Variants in CSMD1 observed in about 807,000 individuals in gnomAD.
The protein encoded by CSMD1 is CUB and sushi domain-containing protein 1.
In CSMD1, 213 loss-of-function variants were observed where a neutral mutation model predicts 417.5. The observed-to-expected ratio is 0.51, with a 90% CI of 0.46 to 0.57. The LOEUF (loss-of-function observed/expected upper bound fraction) is 0.57. Ranked by LOEUF, CSMD1 falls within the 20% of genes least tolerant of loss-of-function variation. The probability of loss-of-function intolerance (pLI) is 0.00; values close to 1 mark genes in which losing one functional copy is unlikely to be tolerated. For synonymous variants in CSMD1, 2,862 were observed against 1,736.8 expected (o/e 1.65, Z -16.11); for missense variants, 6,923 against 4,529.7 (o/e 1.53, Z -15.17).
chr8:3,743,182 A>T, intron 6 of CSMD1, among the ~76,000 whole-genome samples: 1 of 152,194 alleles, frequency 6.6e-6, no homozygotes, highest in Admixed American at 6.5e-5. Context: ...ACTGTGCTAC[A>T]CGACTCTTTT....
chr8:4,463,152 A>C (rs912830560), intron 2 of CSMD1, among the ~76,000 whole-genome samples: 1 of 152,224 alleles, frequency 6.6e-6, no homozygotes, highest in South Asian at 2.1e-4. Context: ...TGCCCCAAAG[A>C]AGATACACAA....
intron 5 of CSMD1, among the ~76,000 whole-genome samples, chr8:3,890,015 C>A (rs558223708): frequency 1.3e-5 from 2 of 151,970 alleles, no homozygotes; most frequent in African/African-American, 4.8e-5. Flanking sequence ...GATCCCTTCT[C>A]AAAAAATATA....
intron 2 of CSMD1, among the ~76,000 whole-genome samples, chr8:4,506,897 A>C (rs145584170): frequency 1.2e-4 from 18 of 152,324 alleles, no homozygotes; most frequent in African/African-American, 4.1e-4. Flanking sequence ...GGGAGCATTT[A>C]ATTTCTGTAT....
At position 4,322,315 on chromosome 8, in the gene CSMD1, G is replaced by C. The variant is rs557477364; in HGVS notation, c.415+97638C>G. 3.4e-5 allele frequency among the ~76,000 whole-genome samples: 5 copies of C among 147,184 alleles called. No individual in the cohort carries two copies. In the East Asian group the frequency reaches 1.1e-3, roughly 31 times the overall value. ...ATTTCATGTTATCTGCATATTTGAA[G>C]AGAGTACTTTTTTTTGCAACAATCT... On this transcript the variant is annotated intron_variant, in intron 3 of 69. Coordinates refer to ENST00000635120, the MANE Select transcript of CSMD1 (RefSeq NM_033225.6).
intron 7 of CSMD1, among the ~76,000 whole-genome samples, chr8:3,692,764 G>A (rs1013717905): frequency 2.0e-5 from 3 of 152,050 alleles, no homozygotes; most frequent in Admixed American, 6.6e-5. Context: ...CTTTTCTGAG[G>A]CCCATGTGCC....
intron 9 of CSMD1, 23 bp downstream of exon 9, chr8:3,586,113 T>A: frequency 6.2e-7 from 1 of 1,604,370 alleles, no homozygotes; most frequent in Non-Finnish European, 8.5e-7. Flanking sequence ...TAATCCAGGC[T>A]TTACCCACCG....
intron 26 of CSMD1, among the ~76,000 whole-genome samples, chr8:3,233,894 T>A (rs2116926803): frequency 6.6e-6 from 1 of 152,230 alleles, no homozygotes; most frequent in Non-Finnish European, 1.5e-5. Context: ...CTTGAGGCAT[T>A]TTGGATCCCA....
intron 13 of CSMD1, among the ~76,000 whole-genome samples, chr8:3,408,716 A>C (rs1472749401): frequency 7.9e-5 from 12 of 152,120 alleles, no homozygotes; most frequent in Non-Finnish European, 1.3e-4. Context: ...ATAACTTGGA[A>C]ACATCAGATC....
intron 21 of CSMD1, among the ~76,000 whole-genome samples, chr8:3,356,405 T>C (rs6985265): frequency 6.6e-6 from 1 of 152,250 alleles, no homozygotes; most frequent in East Asian, 1.9e-4. Context: ...GGCCGGGCAC[T>C]GTGGCTCACG....
chr8:4,099,789 G>C (rs1396979398), intron 3 of CSMD1, among the ~76,000 whole-genome samples: 1 of 152,084 alleles, frequency 6.6e-6, no homozygotes, highest in Non-Finnish European at 1.5e-5. Context: ...CCTTATGATA[G>C]TACTGGGAAG....
intron 1 of CSMD1, among the ~76,000 whole-genome samples, chr8:4,990,418 C>T (rs1051113481): frequency 9.2e-5 from 14 of 151,598 alleles, no homozygotes; most frequent in African/African-American, 3.2e-4. Flanking sequence ...GGCTGGAGTG[C>T]AATGGCACGA....
chr8:4,458,539 T>A (rs1799622644), intron 2 of CSMD1, among the ~76,000 whole-genome samples: 1 of 152,144 alleles, frequency 6.6e-6, no homozygotes, highest in Admixed American at 6.5e-5. Flanking sequence ...GTATGTATTT[T>A]CTTAATGTTA....
At chr8:4,652,756 G>A (rs1410247640) in intron 1 of CSMD1, among the ~76,000 whole-genome samples, 2 of 152,108 alleles carry the variant, frequency 1.3e-5, no homozygotes, top group African/African-American at 4.8e-5. Context: ...TTGGCACCAG[G>A]GCGGTTTTGT....
chr8:4,612,095 G>C (rs2130793043), intron 2 of CSMD1, among the ~76,000 whole-genome samples: 1 of 152,238 alleles, frequency 6.6e-6, no homozygotes, highest in Non-Finnish European at 1.5e-5. Flanking sequence ...GGGAAGAGGA[G>C]GCACAGACTC....
Position 3,465,731 on chromosome 8 carries a change from G to A in CSMD1, c.1561+2981C>T, listed in dbSNP as rs1190595651. ...TGGGTGGCCTTTGGTAATGAGTGAG[G>A]TTACAATGATAGCTACTTTCTTAGG... On this transcript the variant is annotated intron_variant, in intron 12 of 69. Transcript: ENST00000635120. Among the ~76,000 whole-genome samples, 5 of 152,274 alleles carry A rather than the reference G, an allele frequency of 3.3e-5. 1 individual carries two copies. The highest frequency in any genetic ancestry group is 2.1e-4 in the South Asian group (1 of 4,826).
chr8:3,935,512 G>A (rs1399760381), intron 5 of CSMD1, among the ~76,000 whole-genome samples: 1 of 152,116 alleles, frequency 6.6e-6, no homozygotes, highest in South Asian at 2.1e-4. Flanking sequence ...TTTGGTGTCT[G>A]TGCCACATTT....
chr8:3,681,492 G>A (rs370219991), intron 7 of CSMD1, among the ~76,000 whole-genome samples: 1 of 152,122 alleles, frequency 6.6e-6, no homozygotes, highest in Non-Finnish European at 1.5e-5. Context: ...GGGATGTGAA[G>A]GACCTCTTCA....
At chr8:2,976,313 G>A (rs969580504) in intron 55 of CSMD1, among the ~76,000 whole-genome samples, 8 of 151,574 alleles carry the variant, frequency 5.3e-5, no homozygotes, top group African/African-American at 1.9e-4. Flanking sequence ...CCCTTTTATT[G>A]TGTATGTGGT....
intron 7 of CSMD1, among the ~76,000 whole-genome samples, chr8:3,675,398 G>A (rs186321456): frequency 1.3e-5 from 2 of 152,146 alleles, no homozygotes; most frequent in African/African-American, 4.8e-5. Context: ...ATGCTATCTT[G>A]TTTTGTTTGC....
Sources: allele counts gnomAD v4.1 joint callset (sites outside exome capture counted in the v4.1 genomes callset), GRCh38; gene constraint gnomAD v4.1.1; transcripts MANE v1.5; gene names NCBI Gene and HGNC (gene_info 2026-07-23, HGNC 2026-07-21).